Variants in TET3 observed in about 807,000 individuals in gnomAD.
The protein encoded by TET3 is tet methylcytosine dioxygenase 3.
TET3 carries 19 observed loss-of-function variants against 141.4 expected under a neutral mutation model. The ratio of observed to expected loss-of-function variants is 0.13; its 90% CI spans 0.09 to 0.20. The LOEUF (loss-of-function observed/expected upper bound fraction) is 0.20, where lower values mean the gene tolerates loss of function less well. Among genes scored for constraint, TET3 ranks in the 10% least tolerant of loss-of-function variants. The pLI is 1.00. For missense variants in TET3, 1,874 were observed against 2,356.9 expected, an observed-to-expected ratio of 0.80 and a Z score of 4.24; for synonymous variants, 1,043 against 980.9, an observed-to-expected ratio of 1.06 and a Z score of -1.18.
intron 3 of TET3, among the ~76,000 whole-genome samples, chr2:74,032,479 G>GCGCGCGCGCGCGCGCGA (rs1558730037): frequency 6.0e-5 from 9 of 150,554 alleles, no homozygotes; most frequent in African/African-American, 2.0e-4. Flanking sequence ...GTGTGTGTGT[G>GCGCGCGCGCGCGCGCGA]TGTGTGTGTG....
At chr2:74,024,870 A>G (rs1204567560) in intron 3 of TET3, among the ~76,000 whole-genome samples, 4 of 152,204 alleles carry the variant, frequency 2.6e-5, no homozygotes, top group Non-Finnish European at 4.4e-5. Flanking sequence ...TTAATATTTT[A>G]CTACATTTGC....
At chr2:74,045,644 A>C (rs572827467) in intron 3 of TET3, among the ~76,000 whole-genome samples, 96 of 152,218 alleles carry the variant, frequency 6.3e-4, no homozygotes, top group Non-Finnish European at 1.3e-3. Context: ...GTGTCAGATC[A>C]TCGGCGTTTC....
intron 3 of TET3, among the ~76,000 whole-genome samples, chr2:74,010,241 A>G (rs1370274283): frequency 1.3e-5 from 2 of 152,148 alleles, no homozygotes; most frequent in African/African-American, 2.4e-5. Flanking sequence ...TCCGTGTCCA[A>G]CCCGGGAAGC....
At position 74,105,881 on chromosome 2, in the gene TET3, G is replaced by T. The variant is rs572642020; in HGVS notation, c.*3705G>T. ...AGGCAAAGCTGGTGGAAAACTATAT[G>T]ATATCCCTGACGTGCCTCAACCAGT... On this transcript the variant is annotated 3_prime_UTR_variant, in exon 12 of 12. Coordinates refer to ENST00000409262, the MANE Select transcript of TET3 (RefSeq NM_001287491.2). 6.5e-6 allele frequency: 1 copy of T among 154,826 alleles called. No individual in the cohort carries two copies. The highest frequency in any genetic ancestry group is 2.4e-5 in the African/African-American group (1 of 41,616). 9.6% of individuals were successfully genotyped at this position (154,826 alleles called of 1,614,324 possible).
At chr2:74,034,065 T>C (rs1043811507) in intron 3 of TET3, among the ~76,000 whole-genome samples, 6 of 151,872 alleles carry the variant, frequency 4.0e-5, no homozygotes, top group Admixed American at 2.6e-4. Context: ...CATTGCACTT[T>C]AGTCAGGGCA....
the TET3 span, among the ~76,000 whole-genome samples, chr2:74,124,947 G>C: frequency 3.8e-5 from 5 of 131,296 alleles, no homozygotes; most frequent in South Asian, 1.2e-3. Context: ...AAAAGAAAAA[G>C]GTTAAAAACT....
intron 4 of TET3, among the ~76,000 whole-genome samples, chr2:74,068,300 CGTGT>C (rs1352308574): frequency 1.3e-5 from 2 of 151,586 alleles, no homozygotes; most frequent in African/African-American, 4.9e-5. Flanking sequence ...TATGCTTGTA[CGTGT>C]GTGTATGTAC....
At chr2:74,027,615 TTATAG>T (rs1432274949) in intron 3 of TET3, among the ~76,000 whole-genome samples, 2 of 152,210 alleles carry the variant, frequency 1.3e-5, no homozygotes, top group African/African-American at 2.4e-5. Context: ...AAATGGAATG[TTATAG>T]TATATATCTT....
intron 4 of TET3, among the ~76,000 whole-genome samples, chr2:74,051,559 A>G (rs1000607094): frequency 2.6e-5 from 4 of 152,242 alleles, no homozygotes; most frequent in African/African-American, 9.6e-5. Context: ...TAGCAGTAGC[A>G]TGGAAGGTGG....
In TET3 at chr2:73,986,698, C is replaced by T. The variant is rs1684043717; in HGVS notation, c.295C>T (p.Leu99Phe). 3 of 1,231,876 alleles carry T rather than the reference C, an allele frequency of 2.4e-6. No individual in the cohort carries two copies. The highest frequency in any genetic ancestry group is 3.0e-6 in the Non-Finnish European group (3 of 987,988). 76.3% of individuals were successfully genotyped at this position (1,231,876 alleles called of 1,614,324 possible). Reference protein sequence around the residue: ...CEVLKKKVGLLKEVEIKAGEG... With the variant: ...CEVLKKKVGLFKEVEIKAGEG... ...GGTGCTGAAGAAAAAAGTAGGGCTTCTCAAGGAGGTAAGCCGGCCCTTGCT... is the reference window on the plus strand; with the variant it reads ...GGTGCTGAAGAAAAAAGTAGGGCTTTTCAAGGAGGTAAGCCGGCCCTTGCT... The change falls in exon 2 of 12, where the codon CTC becomes TTC. Residue 99 changes from leucine (L) to phenylalanine (F), a missense_variant. Leu to Phe is a conservative substitution (Grantham distance 22). Coordinates refer to ENST00000409262, the MANE Select transcript of TET3 (RefSeq NM_001287491.2).
chr2:74,013,855 G>T (rs964964863), intron 3 of TET3, among the ~76,000 whole-genome samples: 1 of 151,958 alleles, frequency 6.6e-6, no homozygotes, highest in Admixed American at 6.6e-5. Flanking sequence ...ATGAGGGGTG[G>T]GTCTTTGCAG....
chr2:73,996,695 A>G (rs1006977451), intron 2 of TET3, among the ~76,000 whole-genome samples: 20 of 152,106 alleles, frequency 1.3e-4, no homozygotes, highest in African/African-American at 4.8e-4. Context: ...TTTAGTAGAG[A>G]CAGGGTTTCG....
chr2:74,111,003 C>T (rs186709886), downstream of TET3, among the ~76,000 whole-genome samples: 1 of 152,174 alleles, frequency 6.6e-6, no homozygotes, highest in East Asian at 1.9e-4. Context: ...GTCCATACCA[C>T]TCACTCACCT....
intron 10 of TET3, among the ~76,000 whole-genome samples, chr2:74,097,718 T>G (rs996814012): frequency 6.6e-6 from 1 of 152,144 alleles, no homozygotes; most frequent in Non-Finnish European, 1.5e-5. Context: ...TTTAGCAGGC[T>G]CTGAGCTATG....
intron 3 of TET3, among the ~76,000 whole-genome samples, chr2:74,032,815 CTG>C: frequency 6.6e-6 from 1 of 152,270 alleles, no homozygotes; most frequent in Middle Eastern, 3.4e-3. Context: ...GGAGCGTGTG[CTG>C]CCCAGGCGAT....
intron 3 of TET3, among the ~76,000 whole-genome samples, chr2:74,016,739 CA>C (rs67430974): frequency 6.8e-6 from 1 of 146,848 alleles, no homozygotes; most frequent in Non-Finnish European, 1.5e-5. Context: ...AACAAACAAA[CA>C]AAAAAATAAA....
At chr2:74,098,578 T>A (rs11903339) in intron 10 of TET3, among the ~76,000 whole-genome samples, 1 of 150,982 alleles carries the variant, frequency 6.6e-6, no homozygotes, top group African/African-American at 2.5e-5. Context: ...ACATAGAGTT[T>A]ATAATAAAAA....
intron 4 of TET3, among the ~76,000 whole-genome samples, chr2:74,070,639 T>C (rs1172600949): frequency 1.3e-5 from 2 of 152,216 alleles, no homozygotes; most frequent in African/African-American, 4.8e-5. Flanking sequence ...TCCATTCCAC[T>C]GTTGCTGAAT....
rs370533785 is a variant in TET3, at chr2:74,099,660, C to T, written c.3604+48C>T. The T allele has an allele frequency of 7.4e-6, 11 of 1,480,202 alleles. No individual in the cohort carries two copies. In the African/African-American group the frequency reaches 1.6e-4, roughly 21 times the overall value. The allele number at this position is 1,480,202 out of a possible 1,614,324, so 91.7% of individuals were successfully genotyped here. On this transcript the variant is annotated intron_variant, in intron 11 of 11. Transcript: ENST00000409262. ...CTTGGAGTCACAATGGCACTGTCCT[C>T]ATGGGGGCCCCTGCTCTTCCACGCA...
Sources: allele counts gnomAD v4.1 joint callset (sites outside exome capture counted in the v4.1 genomes callset), GRCh38; gene constraint gnomAD v4.1.1; transcripts MANE v1.5; gene names NCBI Gene and HGNC (gene_info 2026-07-23, HGNC 2026-07-21).